SGPL1: variants seen among roughly 807,000 people sequenced by gnomAD.
SGPL1 encodes the protein SP-lyase 1.
Under a neutral mutation model 68.9 loss-of-function variants are expected in SGPL1, and 37 were observed. That is an observed-to-expected ratio of 0.54 (90% CI 0.41 to 0.71). The LOEUF (loss-of-function observed/expected upper bound fraction) is 0.71, where lower values mean the gene tolerates loss of function less well. SGPL1 is among the 30% of genes least tolerant of loss of function. The pLI is 0.00. For synonymous variants in SGPL1, 236 were observed against 248.5 expected (o/e 0.95, Z 0.47); for missense variants, 551 against 704.6 (o/e 0.78, Z 2.47).
intron 7 of SGPL1, among the ~76,000 whole-genome samples, chr10:70,865,212 C>T (rs1589471128): frequency 1.4e-5 from 2 of 146,854 alleles, no homozygotes; most frequent in Non-Finnish European, 1.5e-5. Flanking sequence ...TTCACTGTTT[C>T]TTTTTTTTTT....
chr10:70,823,247 C>G (rs1000568557), intron 2 of SGPL1, among the ~76,000 whole-genome samples: 12 of 150,980 alleles, frequency 7.9e-5, no homozygotes, highest in African/African-American at 2.9e-4. Context: ...ACAAAATATT[C>G]CCTGTAGCCA....
intron 7 of SGPL1, among the ~76,000 whole-genome samples, chr10:70,862,208 G>A (rs548159633): frequency 6.6e-6 from 1 of 152,298 alleles, no homozygotes; most frequent in South Asian, 2.1e-4. Context: ...CTAGCTCAAG[G>A]TTTGTAAACA....
chr10:70,816,959 A>T, intron 2 of SGPL1, 79 bp downstream of exon 2: 1 of 1,299,048 alleles, frequency 7.7e-7, no homozygotes, highest in South Asian at 1.2e-5. Context: ...CAGTGTGTAG[A>T]TTTCACCTCT....
At chr10:70,837,089 T>A (rs1338751751) in intron 2 of SGPL1, among the ~76,000 whole-genome samples, 1 of 151,908 alleles carries the variant, frequency 6.6e-6, no homozygotes, top group Admixed American at 6.5e-5. Flanking sequence ...TAATGCTTTT[T>A]TTTTTTGAGA....
intron 2 of SGPL1, among the ~76,000 whole-genome samples, chr10:70,821,440 C>T (rs1441910100): frequency 1.3e-5 from 2 of 152,146 alleles, no homozygotes; most frequent in Non-Finnish European, 2.9e-5. Context: ...AGCTGATATT[C>T]ATAGATGAAT....
chr10:70,868,949 T>G (rs1223196169), intron 8 of SGPL1, among the ~76,000 whole-genome samples: 1 of 152,196 alleles, frequency 6.6e-6, no homozygotes, highest in Non-Finnish European at 1.5e-5. Flanking sequence ...AATTTGATGT[T>G]TAGTTACATT....
At chr10:70,832,760 T>A (rs533873676) in intron 2 of SGPL1, among the ~76,000 whole-genome samples, 1 of 152,302 alleles carries the variant, frequency 6.6e-6, no homozygotes, top group African/African-American at 2.4e-5. Flanking sequence ...ATGTGCAAAT[T>A]TGCATATTTT....
At chr10:70,838,127 G>A (rs373283126) in intron 2 of SGPL1, among the ~76,000 whole-genome samples, 60 of 152,312 alleles carry the variant, frequency 3.9e-4, no homozygotes, top group South Asian at 3.7e-3. Flanking sequence ...AGTTAGCCCT[G>A]TTGAGTAATG....
intron 11 of SGPL1, among the ~76,000 whole-genome samples, chr10:70,873,043 G>C (rs557411501): frequency 6.6e-6 from 1 of 152,126 alleles, no homozygotes; most frequent in Non-Finnish European, 1.5e-5. Context: ...CCTGACATAT[G>C]GTCTCCAGAG....
At chr10:70,841,464 C>G (rs1845712092) in intron 2 of SGPL1, among the ~76,000 whole-genome samples, 1 of 152,166 alleles carries the variant, frequency 6.6e-6, no homozygotes, top group African/African-American at 2.4e-5. Context: ...GGCCCACTTC[C>G]TGGAAGGTGG....
At position 70,873,439 on chromosome 10, in the gene SGPL1, A is replaced by G; in HGVS notation, c.1148A>G (p.Gln383Arg). The G allele has an allele frequency of 6.2e-7, 1 of 1,614,252 alleles. No homozygotes were observed. Among genetic ancestry groups the G allele is most frequent in the Non-Finnish European group, 8.5e-7 (1 of 1,180,032 alleles). ...NYQFFVDTDW[Q>R]GGIYASPTIA... ...CAGTTCTTCGTCGATACAGATTGGC[A>G]GGGTGGCATCTATGCTTCCCCAACC... Residue 383 changes from glutamine (Q) to arginine (R), a missense_variant, in exon 12 of 15, where the codon CAG (glutamine) becomes CGG (arginine). By Grantham distance (43) the Gln-to-Arg change is conservative. Transcript: ENST00000373202.
intron 7 of SGPL1, chr10:70,860,388 TC>T (rs1412426879): frequency 8.6e-6 from 4 of 467,456 alleles, no homozygotes; most frequent in Admixed American, 2.4e-5. Context: ...TTTTTTTTTT[TC>T]CAGGAAGCAT....
rs1171452124 is a variant in SGPL1, at chr10:70,869,804, A to C, written c.717A>C (p.Gln239His). The C allele has an allele frequency of 1.4e-5, 22 of 1,613,846 alleles. No homozygotes were observed. The highest frequency in any genetic ancestry group is 1.9e-5 in the Non-Finnish European group (22 of 1,179,934). ...CCCTGTCATTTAGTGTGGCTCCCCA[A>C]AGTGCCCATGCTGCATTTAACAAAG... The part of the protein sequence containing the change: ...GIKTPEIVAP[Q>H]SAHAAFNKAA... The change falls in exon 9 of 15, where the codon CAA becomes CAC. Residue 239 changes from glutamine (Q) to histidine (H), a missense_variant. Gln to His is a conservative substitution (Grantham distance 24). Coordinates refer to ENST00000373202, the MANE Select transcript of SGPL1 (RefSeq NM_003901.4).
intron 2 of SGPL1, among the ~76,000 whole-genome samples, chr10:70,840,206 C>G (rs1222708377): frequency 6.6e-6 from 1 of 152,120 alleles, no homozygotes; most frequent in Admixed American, 6.5e-5. Flanking sequence ...GTACTGAATA[C>G]TGAGTCAAAA....
At chr10:70,842,084 G>A (rs1216987219) in intron 2 of SGPL1, among the ~76,000 whole-genome samples, 2 of 151,932 alleles carry the variant, frequency 1.3e-5, no homozygotes, top group African/African-American at 2.4e-5. Context: ...ATTTTTCTAC[G>A]TAGTTCATGT....
intron 2 of SGPL1, among the ~76,000 whole-genome samples, chr10:70,822,621 G>A (rs868203183): frequency 4.9e-4 from 75 of 152,168 alleles, no homozygotes; most frequent in Non-Finnish European, 1.3e-4. Flanking sequence ...GGCCCTCTGA[G>A]AAGATGGAAT....
chr10:70,819,349 T>C (rs1845295209), intron 2 of SGPL1, among the ~76,000 whole-genome samples: 1 of 152,366 alleles, frequency 6.6e-6, no homozygotes, highest in East Asian at 1.9e-4. Flanking sequence ...ACATGTTGCA[T>C]GAAGTGCTTT....
intron 2 of SGPL1, among the ~76,000 whole-genome samples, chr10:70,842,327 T>C (rs1176785405): frequency 6.6e-6 from 1 of 152,218 alleles, no homozygotes; most frequent in East Asian, 1.9e-4. Context: ...TGTTGATAGA[T>C]ACCAACAAAT....
intron 3 of SGPL1, among the ~76,000 whole-genome samples, chr10:70,849,717 A>G (rs971437580): frequency 5.3e-5 from 8 of 152,212 alleles, no homozygotes; most frequent in Admixed American, 2.6e-4. Context: ...TCTGGCCAGG[A>G]AAGTGGGAAT....
Sources: allele counts gnomAD v4.1 joint callset (sites outside exome capture counted in the v4.1 genomes callset), GRCh38; gene constraint gnomAD v4.1.1; transcripts MANE v1.5; gene names NCBI Gene and HGNC (gene_info 2026-07-23, HGNC 2026-07-21).